ARHGAP15: variants seen among roughly 807,000 people sequenced by gnomAD.
ARHGAP15 encodes Rho GTPase activating protein 15.
In ARHGAP15, 51 loss-of-function variants were observed where a neutral mutation model predicts 63.7. The ratio of observed to expected loss-of-function variants is 0.80; its 90% CI spans 0.64 to 1.01. The LOEUF is 1.01. ARHGAP15 is among the 50% of genes least tolerant of loss of function. The pLI is 0.00. For missense variants in ARHGAP15, 560 were observed against 564.6 expected, an observed-to-expected ratio of 0.99 and a Z score of 0.08; for synonymous variants, 191 against 193.8, an observed-to-expected ratio of 0.99 and a Z score of 0.12.
intron 6 of ARHGAP15, among the ~76,000 whole-genome samples, chr2:143,322,020 G>A (rs548447724): frequency 7.4e-4 from 113 of 152,284 alleles, no homozygotes; most frequent in Non-Finnish European, 1.2e-3. Context: ...ACTCTATCTA[G>A]ATGATTACTT....
At chr2:143,313,327 T>C (rs913160971) in intron 6 of ARHGAP15, among the ~76,000 whole-genome samples, 2 of 152,160 alleles carry the variant, frequency 1.3e-5, no homozygotes, top group African/African-American at 2.4e-5. Context: ...ATGCCAGATA[T>C]TTTATGGATA....
Position 143,166,064 on chromosome 2 carries a change from A to AGAAAG in ARHGAP15, c.165+10409_165+10410insGAAAG, listed in dbSNP as rs200909201. Among the ~76,000 whole-genome samples the AGAAAG allele has an allele frequency of 4.4e-3, 674 of 151,472 alleles. 2 individuals are homozygous for AGAAAG. Among genetic ancestry groups the AGAAAG allele is most frequent in the Non-Finnish European group, 7.2e-3 (486 of 67,818 alleles). ...GAAAAAGAAAGAAAGAAAGAAAGAA[A>AGAAAG]AAAAATATCTTCTTTCTTGTCTTGA... On this transcript the variant is annotated intron_variant, in intron 2 of 13. Coordinates refer to ENST00000295095, the MANE Select transcript of ARHGAP15 (RefSeq NM_018460.4).
chr2:143,582,366 C>T (rs1166043489), intron 11 of ARHGAP15, among the ~76,000 whole-genome samples: 5 of 152,126 alleles, frequency 3.3e-5, no homozygotes, highest in Non-Finnish European at 7.3e-5. Context: ...AAATCGAGGG[C>T]ACTACTTTTG....
At chr2:143,585,653 T>C (rs914911723) in intron 11 of ARHGAP15, among the ~76,000 whole-genome samples, 8 of 152,182 alleles carry the variant, frequency 5.3e-5, no homozygotes, top group Non-Finnish European at 1.0e-4. Flanking sequence ...AAATATTAGC[T>C]TCTGAAAGAA....
chr2:143,585,087 A>G (rs1697061214), intron 11 of ARHGAP15, among the ~76,000 whole-genome samples: 1 of 152,196 alleles, frequency 6.6e-6, no homozygotes, highest in African/African-American at 2.4e-5. Flanking sequence ...CTAAATTTAG[A>G]TAAACGCAAG....
chr2:143,310,110 G>A (rs76356691), intron 6 of ARHGAP15, among the ~76,000 whole-genome samples: 3,850 of 152,106 alleles, frequency 0.025, 65 homozygotes, highest in Non-Finnish European at 0.039. Flanking sequence ...CACAGCTAAT[G>A]TACTTCATTG....
intron 6 of ARHGAP15, among the ~76,000 whole-genome samples, chr2:143,286,234 TTCA>T (rs1682091608): frequency 6.6e-6 from 1 of 152,170 alleles, no homozygotes; most frequent in African/African-American, 2.4e-5. Flanking sequence ...AATGACCAAC[TTCA>T]TCATCACACA....
intron 13 of ARHGAP15, among the ~76,000 whole-genome samples, chr2:143,720,422 C>G (rs1312013633): frequency 6.6e-6 from 1 of 152,186 alleles, no homozygotes; most frequent in Non-Finnish European, 1.5e-5. Context: ...GGCCGCTATC[C>G]TGCAGCCCAG....
At chr2:143,729,594 C>T (rs1246213528) in intron 13 of ARHGAP15, among the ~76,000 whole-genome samples, 2 of 152,182 alleles carry the variant, frequency 1.3e-5, no homozygotes, top group Non-Finnish European at 2.9e-5. Flanking sequence ...ATGCTAGAAG[C>T]TGGTCCAGTG....
intron 13 of ARHGAP15, among the ~76,000 whole-genome samples, chr2:143,724,725 C>T (rs1685206139): frequency 6.6e-6 from 1 of 152,044 alleles, no homozygotes; most frequent in Non-Finnish European, 1.5e-5. Context: ...ATGTTCAGAG[C>T]CCCTGAAAAA....
intron 10 of ARHGAP15, among the ~76,000 whole-genome samples, chr2:143,525,796 A>G (rs1474433102): frequency 6.6e-6 from 1 of 152,138 alleles, no homozygotes; most frequent in East Asian, 1.9e-4. Flanking sequence ...AAAAGAATAA[A>G]CAGGAAACAG....
chr2:143,290,186 G>A (rs527627268), intron 6 of ARHGAP15, among the ~76,000 whole-genome samples: 2 of 152,126 alleles, frequency 1.3e-5, no homozygotes, highest in East Asian at 3.9e-4. Context: ...TTACGATCAG[G>A]AGAAGGGTAG....
intron 10 of ARHGAP15, among the ~76,000 whole-genome samples, chr2:143,553,257 T>A (rs1047656832): frequency 5.3e-5 from 8 of 152,214 alleles, no homozygotes; most frequent in Admixed American, 3.3e-4. Context: ...CTTTTTAATA[T>A]GTACTTTGTC....
intron 6 of ARHGAP15, among the ~76,000 whole-genome samples, chr2:143,252,555 T>A (rs1368324067): frequency 6.6e-6 from 1 of 152,032 alleles, no homozygotes; most frequent in Non-Finnish European, 1.5e-5. Context: ...AGTCTTGTAC[T>A]TTTAGAGAAA....
chr2:143,683,241 A>G (rs1683187044), intron 12 of ARHGAP15, among the ~76,000 whole-genome samples: 1 of 152,182 alleles, frequency 6.6e-6, no homozygotes. Context: ...ATTGAGGTGC[A>G]AGAGCACTTA....
intron 1 of ARHGAP15, among the ~76,000 whole-genome samples, chr2:143,147,541 A>G (rs1032640019): frequency 6.6e-6 from 1 of 151,834 alleles, no homozygotes; most frequent in African/African-American, 2.4e-5. Context: ...TTTTCTTCCT[A>G]TTTGCTTTTC....
At chr2:143,592,073 T>C (rs1697343461) in intron 11 of ARHGAP15, among the ~76,000 whole-genome samples, 1 of 152,340 alleles carries the variant, frequency 6.6e-6, no homozygotes, top group Admixed American at 6.5e-5. Flanking sequence ...AATATGCCCT[T>C]TCTGAATGAC....
At chr2:143,187,586 G>A (rs892469291) in intron 2 of ARHGAP15, among the ~76,000 whole-genome samples, 1 of 152,174 alleles carries the variant, frequency 6.6e-6, no homozygotes, top group African/African-American at 2.4e-5. Flanking sequence ...TTGTAGATGA[G>A]GAGACTGAGA....
Position 143,703,426 on chromosome 2 carries a change from A to G in ARHGAP15, c.1146A>G (p.Gln382=). 6.2e-7 allele frequency: 1 copy of G among 1,602,946 alleles called. No individual in the cohort carries two copies. The highest frequency in any genetic ancestry group is 8.5e-7 in the Non-Finnish European group (1 of 1,176,914). Residue 382 remains glutamine (Q), a synonymous_variant, in exon 13 of 14, where the codon CAA becomes CAG. Coordinates refer to ENST00000295095, the MANE Select transcript of ARHGAP15 (RefSeq NM_018460.4). ...TTTTATTTTTTTTTCCAGAAAAGCAAGACAACAACACAAGAATTGAAGCTG... is the reference window on the plus strand; with the variant it reads ...TTTTATTTTTTTTTCCAGAAAAGCAGGACAACAACACAAGAATTGAAGCTG... ...FEQFVEAIKK[Q]DNNTRIEAVK...
Sources: allele counts gnomAD v4.1 joint callset (sites outside exome capture counted in the v4.1 genomes callset), GRCh38; gene constraint gnomAD v4.1.1; transcripts MANE v1.5; gene names NCBI Gene and HGNC (gene_info 2026-07-23, HGNC 2026-07-21).